The following WDR49 variants were observed in gnomAD, a reference collection of about 807,000 sequenced individuals.
WDR49 encodes the protein cilia- and flagella-associated protein 337.
A neutral mutation model predicts 119.5 loss-of-function variants in WDR49; 107 were observed. The observed-to-expected ratio is 0.90, with a 90% CI of 0.77 to 1.05. The LOEUF (loss-of-function observed/expected upper bound fraction) is 1.05, where lower values mean the gene tolerates loss of function less well. WDR49 is among the 50% of genes least tolerant of loss of function. The pLI, the probability that WDR49 is intolerant of heterozygous loss-of-function variation, is 0.00. For missense variants in WDR49, 1,240 were observed against 1,220.5 expected (o/e 1.02, Z -0.24); for synonymous variants, 425 against 418.8 (o/e 1.01, Z -0.18).
rs540213741 is a variant in WDR49 at position 167,594,654 on chromosome 3, A to G, written c.1275+7473T>C. On this transcript the variant is annotated intron_variant, in intron 7 of 18. Transcript: ENST00000682715. ...GTAGAAAAGCAAAACCCGGCCTTTG[A>G]CAAAATTCAACAACCCTTCATGCTA... Among the ~76,000 whole-genome samples, 3 of 152,340 alleles carry G rather than the reference A, an allele frequency of 2.0e-5. No homozygotes were observed. The East Asian group carries it at 5.8e-4, about 29-fold the overall frequency.
intron 7 of WDR49, among the ~76,000 whole-genome samples, chr3:167,587,445 T>C (rs922188203): frequency 2.0e-5 from 3 of 152,200 alleles, no homozygotes; most frequent in Non-Finnish European, 4.4e-5. Context: ...AGCACTGTGA[T>C]AAATACCAAG....
rs2108318576 is a variant in WDR49, at chr3:167,617,298, G to T, written c.958+3131C>A. 1.3e-5 allele frequency among the ~76,000 whole-genome samples: 2 copies of T among 152,310 alleles called. 1 individual carries two copies. Among genetic ancestry groups the T allele is most frequent in the East Asian group, 3.9e-4 (2 of 5,170 alleles). On this transcript the variant is annotated intron_variant, in intron 5 of 18. Transcript: ENST00000682715. ...TCCCAGGACTGTGGGAGGCCCAGATGAGTGAATTACTTGAGGTCAGGAGTT... is the reference window on the plus strand; with the variant it reads ...TCCCAGGACTGTGGGAGGCCCAGATTAGTGAATTACTTGAGGTCAGGAGTT...
upstream of WDR49, among the ~76,000 whole-genome samples, chr3:167,654,852 T>C (rs576901942): frequency 2.0e-5 from 3 of 151,790 alleles, no homozygotes; most frequent in Non-Finnish European, 2.9e-5. Flanking sequence ...TGAGCCAAGA[T>C]TGTGCCACTG....
intron 10 of WDR49, among the ~76,000 whole-genome samples, chr3:167,548,576 A>G (rs149851606): frequency 0.011 from 1,737 of 151,990 alleles, 27 homozygotes; most frequent in African/African-American, 0.039. Flanking sequence ...ATTAATATCA[A>G]TCATATCTAC....
chr3:167,643,251 T>C (rs1374610262), intron 2 of WDR49, among the ~76,000 whole-genome samples: 1 of 152,022 alleles, frequency 6.6e-6, no homozygotes, highest in African/African-American at 2.4e-5. Context: ...TCACCAGTAA[T>C]GGGACAAATT....
chr3:167,531,782 G>A (rs1040381833), intron 12 of WDR49, among the ~76,000 whole-genome samples: 1 of 152,076 alleles, frequency 6.6e-6, no homozygotes, highest in Admixed American at 6.6e-5. Flanking sequence ...ATCATCTCCA[G>A]GCCACACTAG....
In WDR49 at chr3:167,605,046, G is replaced by GTA. The variant is rs1553871885; in HGVS notation, c.959-580_959-579dup. Among the ~76,000 whole-genome samples the GTA allele has an allele frequency of 5.0e-3, 745 of 148,888 alleles. 5 individuals are homozygous for GTA. Among genetic ancestry groups the GTA allele is most frequent in the South Asian group, 0.014 (65 of 4,562 alleles). On this transcript the variant is annotated intron_variant, in intron 5 of 18. Transcript: ENST00000682715. ...TGTGTGTGTGTGTGTGTGTGTGTGT[G>GTA]TACATATACATATGGCGTATATATA...
In WDR49 at chr3:167,478,950, A is replaced by C. The variant is rs772423470; in HGVS notation, c.3078T>G (p.Ile1026Met). 2.2e-5 allele frequency: 36 copies of C among 1,609,394 alleles called. No homozygotes were observed. Among genetic ancestry groups the C allele is most frequent in the Non-Finnish European group, 3.0e-5 (35 of 1,178,928 alleles). ...GCTTGGCTTTTCGTTCATGATGCAG[A>C]ATTTCCTTGGGAAACAGGTTTTTCT... ...FDEKNLFPKE[I>M]LHHERKAKQL... Residue 1026 changes from isoleucine to methionine, a missense_variant, in exon 19 of 19, where the codon ATT becomes ATG. Transcript: ENST00000682715.
chr3:167,549,792 G>T (rs552885983), intron 10 of WDR49, among the ~76,000 whole-genome samples: 2 of 152,220 alleles, frequency 1.3e-5, no homozygotes, highest in Admixed American at 1.3e-4. Context: ...GAATGGTATT[G>T]CCCAGGTTTT....
At chr3:167,613,985 T>A (rs751230051) in intron 5 of WDR49, among the ~76,000 whole-genome samples, 1 of 151,470 alleles carries the variant, frequency 6.6e-6, no homozygotes, top group Non-Finnish European at 1.5e-5. Flanking sequence ...CAATTCAAAC[T>A]GTTTTGTATC....
At chr3:167,520,480 C>T (rs2108230218) in intron 16 of WDR49, among the ~76,000 whole-genome samples, 1 of 152,172 alleles carries the variant, frequency 6.6e-6, no homozygotes, top group South Asian at 2.1e-4. Context: ...AAAGTCTTTC[C>T]ATTCCCAGCA....
In WDR49 at chr3:167,522,503, T is replaced by A; in HGVS notation, c.2605-19A>T. Reference sequence around the variant, plus strand: ...GCTTTGCCTGAAAAAAACGAAAACATCTGTTTTATTTTTATGAAATTTATT... The same window carrying A: ...GCTTTGCCTGAAAAAAACGAAAACAACTGTTTTATTTTTATGAAATTTATT... On this transcript the variant is annotated intron_variant, in intron 15 of 18. Coordinates refer to ENST00000682715, the MANE Select transcript of WDR49 (RefSeq NM_001366157.1). 6.4e-7 allele frequency: 1 copy of A among 1,553,594 alleles called. No individual in the cohort carries two copies. The highest frequency in any genetic ancestry group is 1.4e-5 in the African/African-American group (1 of 72,560).
intron 5 of WDR49, among the ~76,000 whole-genome samples, chr3:167,618,937 T>A (rs1277256999): frequency 6.6e-6 from 1 of 152,134 alleles, no homozygotes; most frequent in Non-Finnish European, 1.5e-5. Context: ...GACCCTTAAA[T>A]AAAATTGAGG....
At chr3:167,640,957 T>G (rs764220609) in intron 2 of WDR49, among the ~76,000 whole-genome samples, 2 of 151,884 alleles carry the variant, frequency 1.3e-5, no homozygotes, top group Non-Finnish European at 2.9e-5. Context: ...CCCATACACC[T>G]ACTTCCCAAA....
At chr3:167,551,324 T>C (rs753605868) in intron 10 of WDR49, among the ~76,000 whole-genome samples, 11 of 151,992 alleles carry the variant, frequency 7.2e-5, no homozygotes, top group Non-Finnish European at 1.5e-4. Context: ...TTAAAAAATA[T>C]ATATGGGAAG....
chr3:167,613,275 T>A (rs1406165615), intron 5 of WDR49, among the ~76,000 whole-genome samples: 1 of 152,248 alleles, frequency 6.6e-6, no homozygotes, highest in Non-Finnish European at 1.5e-5. Flanking sequence ...GCTAAGCATA[T>A]TTAAAAATAA....
At chr3:167,609,713 G>A (rs529475930) in intron 5 of WDR49, among the ~76,000 whole-genome samples, 71 of 152,298 alleles carry the variant, frequency 4.7e-4, no homozygotes, top group African/African-American at 1.7e-3. Context: ...ACCAGCTGGT[G>A]CAGCCAAGGG....
At chr3:167,576,209 C>G in intron 7 of WDR49, 58 bp from the exon 8 acceptor site, 1 of 1,505,660 alleles carries the variant, frequency 6.6e-7, no homozygotes, top group Non-Finnish European at 9.0e-7. Context: ...AATCTTTTAG[C>G]CAATTTTTTT....
rs1196917728 is a variant in WDR49, at chr3:167,529,165, C to G, written c.2293G>C (p.Ala765Pro). The change falls in exon 14 of 19, where the codon GCT becomes CCT. Residue 765 changes from alanine (A) to proline (P), a missense_variant. Physicochemically the swap from Ala to Pro is conservative, Grantham distance 27. Coordinates refer to ENST00000682715, the MANE Select transcript of WDR49 (RefSeq NM_001366157.1). ...FWDIYKKQLL[A>P]EFLAHSGVGS... is the part of the protein sequence containing the mutation. ...ACTCCACTATGAGCCAAAAATTCAG[C>G]CAGAAGTTGCTTCTTATATATATCC... 6.2e-7 allele frequency: 1 copy of G among 1,611,990 alleles called. No individual in the cohort carries two copies. Among genetic ancestry groups the G allele is most frequent in the Admixed American group, 1.7e-5 (1 of 59,464 alleles).
Sources: allele counts gnomAD v4.1 joint callset (sites outside exome capture counted in the v4.1 genomes callset), GRCh38; gene constraint gnomAD v4.1.1; transcripts MANE v1.5; gene names NCBI Gene and HGNC (gene_info 2026-07-23, HGNC 2026-07-21).